The following MYRIP variants were observed in gnomAD, a reference collection of about 807,000 sequenced individuals.
MYRIP encodes myosin VIIA and Rab interacting protein, also known as rab effector MyRIP.
Under a neutral mutation model 98.0 loss-of-function variants are expected in MYRIP, and 49 were observed. That is an observed-to-expected ratio of 0.50 (90% CI 0.40 to 0.63). The LOEUF (loss-of-function observed/expected upper bound fraction) is 0.63. Ranked by LOEUF, MYRIP falls within the 30% of genes least tolerant of loss-of-function variation. The pLI is 0.00. For synonymous variants in MYRIP, 404 were observed against 409.5 expected (o/e 0.99, Z 0.16); for missense variants, 1,004 against 1,058.2 (o/e 0.95, Z 0.71).
At chr3:40,036,042 G>A (rs1460788662) in intron 2 of MYRIP, among the ~76,000 whole-genome samples, 1 of 151,794 alleles carries the variant, frequency 6.6e-6, no homozygotes, top group Non-Finnish European at 1.5e-5. Context: ...GATATAATTG[G>A]AATTCTAGGA....
chr3:40,029,997 C>T (rs932343607), intron 2 of MYRIP, among the ~76,000 whole-genome samples: 10 of 151,868 alleles, frequency 6.6e-5, no homozygotes, highest in African/African-American at 2.4e-4. Flanking sequence ...GAGTCCAAGG[C>T]TGCAGTGAGC....
intron 5 of MYRIP, among the ~76,000 whole-genome samples, chr3:40,166,086 G>A (rs1559430003): frequency 6.6e-6 from 1 of 152,154 alleles, no homozygotes; most frequent in Non-Finnish European, 1.5e-5. Flanking sequence ...TGGGCTTGGT[G>A]CCTGCCATGT....
chr3:40,121,349 A>T (rs1949399755), intron 3 of MYRIP, among the ~76,000 whole-genome samples: 2 of 152,078 alleles, frequency 1.3e-5, no homozygotes, highest in South Asian at 4.1e-4. Flanking sequence ...TTAATACTAG[A>T]CCCCAGCCTC....
At chr3:40,046,652 G>A (rs1355725305) in intron 3 of MYRIP, among the ~76,000 whole-genome samples, 1 of 150,568 alleles carries the variant, frequency 6.6e-6, no homozygotes, top group Non-Finnish European at 1.5e-5. Flanking sequence ...GTCACCCAAG[G>A]TGTGTGGAGG....
intron 1 of MYRIP, among the ~76,000 whole-genome samples, chr3:39,895,186 T>G (rs1218159856): frequency 1.3e-5 from 2 of 151,924 alleles, no homozygotes; most frequent in African/African-American, 2.4e-5. Context: ...TGCTTGCATT[T>G]TTTTTTTCTT....
intron 1 of MYRIP, among the ~76,000 whole-genome samples, chr3:39,852,716 TCTCTC>T (rs961200368): frequency 2.0e-5 from 3 of 151,956 alleles, no homozygotes; most frequent in African/African-American, 4.8e-5. Context: ...CACTATTTCT[TCTCTC>T]CTCTCCTCTC....
At chr3:40,056,193 A>T (rs1022046299) in intron 3 of MYRIP, among the ~76,000 whole-genome samples, 1 of 152,196 alleles carries the variant, frequency 6.6e-6, no homozygotes, top group Admixed American at 6.5e-5. Flanking sequence ...GTAATTAAAT[A>T]TGAAGCTAGT....
chr3:40,128,363 G>T (rs2125916196), intron 3 of MYRIP, among the ~76,000 whole-genome samples: 1 of 152,332 alleles, frequency 6.6e-6, no homozygotes, highest in East Asian at 1.9e-4. Context: ...CAGTGGTGGT[G>T]ATCTGGACAA....
Position 40,204,028 on chromosome 3 carries a change from T to A in MYRIP, c.1666-5826T>A, listed in dbSNP as rs1337239399. On this transcript the variant is annotated intron_variant, in intron 10 of 16. Transcript: ENST00000302541. ...TATATTATATATAATATATATTATA[T>A]ATATTATATATTATATATAATATAT... Among the ~76,000 whole-genome samples, 7 of 6,878 alleles carry A rather than the reference T, an allele frequency of 1.0e-3. 1 individual carries two copies. Among genetic ancestry groups the A allele is most frequent in the South Asian group, 5.8e-3 (1 of 172 alleles). The allele number at this position is 6,878 out of a possible 152,430, so 4.5% of individuals were successfully genotyped here.
intron 3 of MYRIP, among the ~76,000 whole-genome samples, chr3:40,044,676 C>T (rs1268331071): frequency 1.3e-5 from 2 of 152,146 alleles, no homozygotes; most frequent in East Asian, 1.9e-4. Context: ...AGAGGCATAG[C>T]GGATGGTGTG....
rs143576206 is a variant in MYRIP, at chr3:40,170,042, T to C, written c.822T>C (p.Asp274=). 4.3e-6 allele frequency: 7 copies of C among 1,614,248 alleles called. No individual in the cohort carries two copies. The highest frequency in any genetic ancestry group is 5.9e-6 in the Non-Finnish European group (7 of 1,180,042). Residue 274 remains aspartate (D), a synonymous_variant, in exon 8 of 17, where the codon GAT becomes GAC. Coordinates refer to ENST00000302541, the MANE Select transcript of MYRIP (RefSeq NM_015460.4). ...HPQSCSTKVA[D]EGTSASPGGY... ...AGAGTTGCAGCACAAAGGTGGCAGA[T>C]GAGGGGACCTCAGCATCCCCTGGAG...
At chr3:40,033,413 T>G (rs1273105325) in intron 2 of MYRIP, among the ~76,000 whole-genome samples, 1 of 152,018 alleles carries the variant, frequency 6.6e-6, no homozygotes, top group African/African-American at 2.4e-5. Flanking sequence ...ACAAGCATTC[T>G]TATACACCAA....
chr3:40,043,942 T>C (rs1010334386), intron 2 of MYRIP, 108 bp from the exon 3 acceptor site: 1 of 928,726 alleles, frequency 1.1e-6, no homozygotes, highest in Non-Finnish European at 1.6e-6. Context: ...AGGTCCTACA[T>C]GGTAGCTTGG....
intron 1 of MYRIP, among the ~76,000 whole-genome samples, chr3:39,879,282 C>T (rs1409926533): frequency 1.3e-5 from 2 of 151,822 alleles, no homozygotes; most frequent in East Asian, 1.9e-4. Context: ...TTATAAATTA[C>T]CTGTTGGTCT....
chr3:40,059,914 T>C (rs1947972944), intron 3 of MYRIP, among the ~76,000 whole-genome samples: 1 of 152,156 alleles, frequency 6.6e-6, no homozygotes. Context: ...TGGGACTTTG[T>C]GAGGCAAACT....
intron 1 of MYRIP, among the ~76,000 whole-genome samples, chr3:39,895,456 G>A (rs1417919336): frequency 2.0e-5 from 3 of 152,022 alleles, no homozygotes; most frequent in Non-Finnish European, 4.4e-5. Flanking sequence ...CAAAGTTCTG[G>A]AATTACAAGT....
At chr3:40,231,118 C>G (rs1391259509) in intron 11 of MYRIP, among the ~76,000 whole-genome samples, 1 of 152,230 alleles carries the variant, frequency 6.6e-6, no homozygotes, top group Non-Finnish European at 1.5e-5. Flanking sequence ...AGCCACCACG[C>G]CCAGCCCGTT....
chr3:39,995,944 TG>T (rs1238601393), intron 2 of MYRIP, among the ~76,000 whole-genome samples: 1 of 152,096 alleles, frequency 6.6e-6, no homozygotes, highest in Admixed American at 6.5e-5. Context: ...GCTTCATAAG[TG>T]AAGGAGAAAT....
intron 11 of MYRIP, among the ~76,000 whole-genome samples, chr3:40,214,670 A>C (rs761402830): frequency 1.3e-5 from 2 of 152,160 alleles, no homozygotes; most frequent in African/African-American, 2.4e-5. Flanking sequence ...TTAAGTAATA[A>C]CTTGGTTCCA....
Sources: gnomAD v4.1 joint callset for allele counts (sites outside exome capture counted in the v4.1 genomes callset) on GRCh38, gnomAD v4.1.1 for gene constraint, MANE v1.5 for transcripts, NCBI Gene and HGNC (gene_info 2026-07-23, HGNC 2026-07-21) for gene names.